The following MED14 variants were observed in gnomAD, a reference collection of about 807,000 sequenced individuals.
MED14 encodes mediator complex subunit 14.
Under a neutral mutation model 109.0 loss-of-function variants are expected in MED14, and 8 were observed. The ratio of observed to expected loss-of-function variants is 0.07; its 90% CI spans 0.04 to 0.13. The LOEUF is 0.13. MED14 is among the 10% of genes least tolerant of loss of function. The pLI, the probability that MED14 is intolerant of heterozygous loss-of-function variation, is 1.00. For missense variants in MED14, 711 were observed against 1,142.4 expected (o/e 0.62, Z 5.44); for synonymous variants, 399 against 408.7 (o/e 0.98, Z 0.29).
intron 6 of MED14, 137 bp downstream of exon 6, chrX:40,712,777 G>A (rs1931379754): frequency 1.7e-6 from 1 of 579,854 alleles, no homozygotes; most frequent in Non-Finnish European, 2.5e-6. Flanking sequence ...GAGCTCAAGC[G>A]ATCCACCTGC....
In MED14 at chrX:40,648,398, T is replaced by C. The variant is rs772588630; in HGVS notation, c.*3408A>G. On this transcript the variant is annotated 3_prime_UTR_variant, in exon 31 of 31. Coordinates refer to ENST00000324817, the MANE Select transcript of MED14 (RefSeq NM_004229.4). Reference sequence around the variant, plus strand: ...GCCTCTGAGGAAAGAGTCTAAACATTAAACCTTCCCGACTGTGGTTCACAG... The same window carrying C: ...GCCTCTGAGGAAAGAGTCTAAACATCAAACCTTCCCGACTGTGGTTCACAG... The C allele has an allele frequency of 9.0e-6, 1 of 111,699 alleles. No homozygotes were observed. The highest frequency in any genetic ancestry group is 2.8e-4 in the East Asian group (1 of 3,553). 9.2% of individuals were successfully genotyped at this position (111,699 alleles called of 1,213,427 possible).
At chrX:40,682,090 C>T in intron 18 of MED14, 147 bp from the exon 19 acceptor site, 1 of 349,271 alleles carries the variant, frequency 2.9e-6, no homozygotes, top group East Asian at 4.7e-5. Flanking sequence ...AGCAACAGCA[C>T]AAACAGATAA....
chrX:40,731,292 A>C (rs781314373), intron 1 of MED14, among the ~76,000 whole-genome samples: 142 of 111,121 alleles, frequency 1.3e-3, no homozygotes, highest in African/African-American at 4.5e-3. Flanking sequence ...AAACCACCTA[A>C]GTTGCCAAGG....
chrX:40,697,298 GAACT>G (rs1930756879), intron 12 of MED14, 115 bp from the exon 13 acceptor site: 1 of 455,430 alleles, frequency 2.2e-6, no homozygotes, highest in Non-Finnish European at 3.7e-6. Flanking sequence ...AAATTTAACT[GAACT>G]AATAAAAGGA....
In MED14 at chrX:40,660,946, G is replaced by A. The variant is rs766182054; in HGVS notation, c.3685-1339C>T. Among the ~76,000 whole-genome samples the A allele has an allele frequency of 8.9e-5, 10 of 112,461 alleles. No individual in the cohort carries two copies. The South Asian group carries it at 1.1e-3, about 12-fold the overall frequency. ...TTTTTATTTTTTGAGACGGAGTCTC[G>A]CTCTGTTGCCCAGGCTGGAGTGCAG... On this transcript the variant is annotated intron_variant, in intron 26 of 30. Transcript: ENST00000324817.
intron 26 of MED14, among the ~76,000 whole-genome samples, chrX:40,660,615 A>T (rs1396664415): frequency 1.8e-5 from 2 of 111,101 alleles, no homozygotes; most frequent in Non-Finnish European, 3.8e-5. Flanking sequence ...GGTGGTAAGG[A>T]CATAGCACCA....
chrX:40,667,901 CCAGCATGA>C (rs1160918551), intron 23 of MED14, among the ~76,000 whole-genome samples: 64 of 111,296 alleles, frequency 5.8e-4, no homozygotes, highest in African/African-American at 2.1e-3. Flanking sequence ...AAAGAGACGT[CCAGCATGA>C]CTCGAAGAGC....
intron 21 of MED14, among the ~76,000 whole-genome samples, chrX:40,679,110 G>C (rs1004327604): frequency 8.9e-6 from 1 of 112,049 alleles, no homozygotes; most frequent in African/African-American, 3.2e-5. Context: ...TAACCACTCT[G>C]GCAGTTGTGG....
In MED14 at chrX:40,729,307, T is replaced by A. The variant is rs754636873; in HGVS notation, c.242+12A>T. On this transcript the variant is annotated intron_variant, in intron 2 of 30. Coordinates refer to ENST00000324817, the MANE Select transcript of MED14 (RefSeq NM_004229.4). ...TAAAGAGACTTTAAGGGTTTTTTTT[T>A]TCCATACTCACCTTTCCACATCAGA... 1 of 1,192,256 alleles carries A rather than the reference T, an allele frequency of 8.4e-7. No homozygotes were observed. The highest frequency in any genetic ancestry group is 1.8e-5 in the African/African-American group (1 of 55,555).
Position 40,655,067 on chromosome X carries a change from T to C in MED14, c.3973-7A>G, listed in dbSNP as rs770213929. 17 of 1,201,579 alleles carry C rather than the reference T, an allele frequency of 1.4e-5. No homozygotes were observed. Among genetic ancestry groups the C allele is most frequent in the Non-Finnish European group, 1.9e-5 (17 of 888,591 alleles). ...GTGTTGCTTGGTCAGGGAACTATTT[T>C]GAGGGGGAAAAATCAAGATAAAGGC... On this transcript the variant is annotated splice_region_variant and splice_polypyrimidine_tract_variant and intron_variant, in intron 28 of 30. Coordinates refer to ENST00000324817, the MANE Select transcript of MED14 (RefSeq NM_004229.4).
Position 40,692,702 on chromosome X carries a change from T to C in MED14, c.1845+6A>G. The C allele has an allele frequency of 8.3e-7, 1 of 1,202,246 alleles. No homozygotes were observed. The highest frequency in any genetic ancestry group is 1.1e-6 in the Non-Finnish European group (1 of 892,041). The stretch of plus-strand genomic sequence containing the variant: ...ATTCTGTGCTCATTTTCATATGGAA[T>C]CATACCTTGCGCTTGGCATTGGTTC... On this transcript the variant is annotated splice_donor_region_variant and intron_variant, in intron 14 of 30. Coordinates refer to ENST00000324817, the MANE Select transcript of MED14 (RefSeq NM_004229.4).
At chrX:40,714,056 T>G in intron 4 of MED14, 149 bp from the exon 5 acceptor site, 4 of 550,291 alleles carry the variant, frequency 7.3e-6, no homozygotes, top group Non-Finnish European at 8.4e-6. Context: ...CAATGGCCAT[T>G]ACTATCATGC....
Position 40,649,618 on chromosome X carries a change from T to C in MED14, c.*2188A>G, listed in dbSNP as rs1928783527. The C allele has an allele frequency of 1.1e-6, 1 of 947,514 alleles. No homozygotes were observed. The highest frequency in any genetic ancestry group is 4.0e-5 in the Admixed American group (1 of 24,964). 78.1% of individuals were successfully genotyped at this position (947,514 alleles called of 1,213,427 possible). ...ACATTGAAAACACCTTAAAGTTAAG[T>C]CCCAACCCGATTATTAGAGAAAATC... On this transcript the variant is annotated 3_prime_UTR_variant, in exon 31 of 31. Transcript: ENST00000324817.
chrX:40,729,142 T>G (rs1874107928), intron 2 of MED14, among the ~76,000 whole-genome samples, 177 bp downstream of exon 2: 1 of 111,609 alleles, frequency 9.0e-6, no homozygotes, highest in African/African-American at 3.3e-5. Context: ...ACAAGTATTG[T>G]TAAGGGTGAG....
chrX:40,692,985 G>A, intron 13 of MED14, 83 bp from the exon 14 acceptor site: 12 of 650,774 alleles, frequency 1.8e-5, no homozygotes, highest in South Asian at 5.8e-5. Flanking sequence ...GTAAGGCTCA[G>A]AATTATAAAT....
intron 3 of MED14, among the ~76,000 whole-genome samples, chrX:40,719,519 TAA>T (rs1417505075): frequency 9.5e-6 from 1 of 105,121 alleles, no homozygotes; most frequent in Admixed American, 1.0e-4. Flanking sequence ...AATACTACAC[TAA>T]AAAAAAAAAT....
At chrX:40,693,609 C>A (rs1265809250) in intron 13 of MED14, among the ~76,000 whole-genome samples, 1 of 111,335 alleles carries the variant, frequency 9.0e-6, no homozygotes, top group Non-Finnish European at 1.9e-5. Context: ...CAGACTAATA[C>A]AGTCTGCTAG....
intron 10 of MED14, among the ~76,000 whole-genome samples, chrX:40,704,575 T>C (rs1160666509): frequency 8.9e-6 from 1 of 112,412 alleles, no homozygotes; most frequent in African/African-American, 3.2e-5. Flanking sequence ...GCTGTAAAAG[T>C]GCTTTAAAAA....
intron 13 of MED14, 46 bp downstream of exon 13, chrX:40,696,978 G>A (rs776011777): frequency 1.8e-5 from 18 of 1,012,547 alleles, no homozygotes; most frequent in South Asian, 2.4e-5. Flanking sequence ...GATACTAACA[G>A]AATTACTAAA....
Sources: gnomAD v4.1 joint callset for allele counts (sites outside exome capture counted in the v4.1 genomes callset) on GRCh38, gnomAD v4.1.1 for gene constraint, MANE v1.5 for transcripts, NCBI Gene and HGNC (gene_info 2026-07-23, HGNC 2026-07-21) for gene names.